The following ADAM12 variants were observed in gnomAD, a reference collection of about 807,000 sequenced individuals.
The protein encoded by ADAM12 is ADAM metallopeptidase domain 12, also known as disintegrin and metalloproteinase domain-containing protein 12.
Under a neutral mutation model 106.4 loss-of-function variants are expected in ADAM12, and 70 were observed. The ratio of observed to expected loss-of-function variants is 0.66; its 90% confidence interval spans 0.54 to 0.80. The LOEUF (loss-of-function observed/expected upper bound fraction) is 0.80. Among genes scored for constraint, ADAM12 ranks in the 30% least tolerant of loss-of-function variants. The pLI is 0.00. For synonymous variants in ADAM12, 420 were observed against 433.5 expected, an observed-to-expected ratio of 0.97 and a Z score of 0.39; for missense variants, 1,010 against 1,171.9, an observed-to-expected ratio of 0.86 and a Z score of 2.02.
At chr10:126,359,954 A>G (rs1054803198) in intron 1 of ADAM12, among the ~76,000 whole-genome samples, 3 of 152,216 alleles carry the variant, frequency 2.0e-5, no homozygotes, top group Admixed American at 6.5e-5. Flanking sequence ...ATCTAGCTGG[A>G]GGTTCCCAAA....
chr10:126,091,141 A>C (rs1955456427), intron 11 of ADAM12: 1 of 85,926 alleles, frequency 1.2e-5, no homozygotes, highest in African/African-American at 2.9e-5. Context: ...GATGAGTAGG[A>C]ATTCTGAAAA....
chr10:126,339,665 G>C (rs999626775), intron 1 of ADAM12, among the ~76,000 whole-genome samples: 1 of 152,146 alleles, frequency 6.6e-6, no homozygotes, highest in Non-Finnish European at 1.5e-5. Context: ...CCCCAAGGCA[G>C]TAGAGTGCTT....
At chr10:126,355,963 T>C (rs1446788401) in intron 1 of ADAM12, among the ~76,000 whole-genome samples, 1 of 152,172 alleles carries the variant, frequency 6.6e-6, no homozygotes, top group South Asian at 2.1e-4. Context: ...GGCCCAGCCT[T>C]AGGCTCTACT....
chr10:126,173,766 G>A (rs995662377), intron 3 of ADAM12, among the ~76,000 whole-genome samples: 8 of 151,988 alleles, frequency 5.3e-5, no homozygotes, highest in African/African-American at 1.9e-4. Flanking sequence ...CTGGGGCCCC[G>A]AGACCAGAGG....
chr10:126,017,102 GC>G lies in ADAM12; in HGVS notation c.*176del. 2 of 559,798 alleles carry G rather than the reference GC, an allele frequency of 3.6e-6. No individual in the cohort carries two copies. Among genetic ancestry groups the G allele is most frequent in the Non-Finnish European group, 6.3e-6 (2 of 315,320 alleles). The allele number at this position is 559,798 out of a possible 1,614,324, so 34.7% of individuals were successfully genotyped here. On this transcript the variant is annotated 3_prime_UTR_variant, in exon 23 of 23. Transcript: ENST00000448723. ...AAATTAATAATTTACAAGTACCTGA[GC>G]AAGTAGACAGAGCACCATAGCACAG...
intron 14 of ADAM12, among the ~76,000 whole-genome samples, chr10:126,050,662 C>T (rs767281452): frequency 2.0e-5 from 3 of 152,178 alleles, no homozygotes; most frequent in African/African-American, 2.4e-5. Flanking sequence ...TAAGATACCT[C>T]GTCCCAGGGA....
intron 3 of ADAM12, among the ~76,000 whole-genome samples, chr10:126,253,806 GC>G (rs58797517): frequency 0.012 from 1,854 of 152,324 alleles, 35 homozygotes; most frequent in African/African-American, 0.042. Flanking sequence ...TGCGGTTCTT[GC>G]CTGGCCTGAG....
intron 3 of ADAM12, among the ~76,000 whole-genome samples, chr10:126,257,633 A>G (rs1958919199): frequency 1.3e-5 from 2 of 152,234 alleles, no homozygotes; most frequent in South Asian, 4.1e-4. Flanking sequence ...CAATCGCATA[A>G]AAATTTACAT....
At chr10:126,244,379 G>A (rs11597807) in intron 3 of ADAM12, among the ~76,000 whole-genome samples, 4,486 of 152,238 alleles carry the variant, frequency 0.029, 92 homozygotes, top group Non-Finnish European at 0.048. Flanking sequence ...AGAGGAGAAG[G>A]TACAGATGGT....
Position 126,388,131 on chromosome 10 carries a change from C to G in ADAM12, c.15G>C (p.Pro5=). The part of the protein sequence containing the change: MAAR[P]LPVSPARALL... ...GGGCGCGGGCGGGGGACACGGGCAG[C>G]GGGCGCGCTGCCATCGTCGCCGGCC... is the stretch of plus-strand genomic sequence containing the variant. Residue 5 remains proline (P), a synonymous_variant, in exon 1 of 23, where the codon CCG becomes CCC. Coordinates refer to ENST00000448723, the MANE Select transcript of ADAM12 (RefSeq NM_001288973.2). This position sits in a 1 kb window ranked among gnomAD's most constrained non-coding sequence, Gnocchi z 4.4. 4 of 1,217,182 alleles carry G rather than the reference C, an allele frequency of 3.3e-6. No individual in the cohort carries two copies. Among genetic ancestry groups the G allele is most frequent in the Non-Finnish European group, 4.1e-6 (4 of 978,368 alleles). The allele number at this position is 1,217,182 out of a possible 1,614,324, so 75.4% of individuals were successfully genotyped here.
chr10:126,253,472 T>G (rs1222044471), intron 3 of ADAM12, among the ~76,000 whole-genome samples: 9 of 152,238 alleles, frequency 5.9e-5, no homozygotes, highest in Admixed American at 5.9e-4. Flanking sequence ...CTGAATGAGC[T>G]CAGCCCACAT....
At chr10:126,260,935 T>A (rs982002287) in intron 3 of ADAM12, among the ~76,000 whole-genome samples, 1 of 152,118 alleles carries the variant, frequency 6.6e-6, no homozygotes, top group African/African-American at 2.4e-5. Context: ...TTTCAACCAA[T>A]TGCAGATTGA....
intron 2 of ADAM12, among the ~76,000 whole-genome samples, chr10:126,318,341 C>T (rs1284355084): frequency 6.6e-6 from 1 of 151,950 alleles, no homozygotes; most frequent in Non-Finnish European, 1.5e-5. Context: ...CACACAAACT[C>T]ACACACATTC....
At chr10:126,247,439 T>C (rs557964506) in intron 3 of ADAM12, among the ~76,000 whole-genome samples, 7 of 152,362 alleles carry the variant, frequency 4.6e-5, no homozygotes, top group African/African-American at 1.7e-4. Flanking sequence ...TTCACTCATG[T>C]ATCACAGTAG....
chr10:126,110,734 T>A (rs1955854229), intron 6 of ADAM12, among the ~76,000 whole-genome samples: 1 of 152,192 alleles, frequency 6.6e-6, no homozygotes, highest in Admixed American at 6.6e-5. Context: ...CACTCTTCTG[T>A]GAATTACTGG....
intron 11 of ADAM12, among the ~76,000 whole-genome samples, chr10:126,091,467 T>C (rs905189872): frequency 2.0e-5 from 3 of 152,176 alleles, no homozygotes; most frequent in Admixed American, 6.5e-5. Flanking sequence ...AACACCACTC[T>C]CTGGACAGGA....
At position 126,017,194 on chromosome 10, in the gene ADAM12, C is replaced by T. The variant is rs1953675676; in HGVS notation, c.*85G>A. 1 of 1,287,970 alleles carries T rather than the reference C, an allele frequency of 7.8e-7. No homozygotes were observed. The highest frequency in any genetic ancestry group is 1.5e-5 in the African/African-American group (1 of 66,010). 79.8% of individuals were successfully genotyped at this position (1,287,970 alleles called of 1,614,324 possible). A position where few individuals can be genotyped will look rare whatever the true frequency, so the allele number is the denominator to read the frequency against. ...GATGTTTTAAACATTAAAAAAAATC[C>T]TAAAAGTTGGTACAAAAAACTCCAA... On this transcript the variant is annotated 3_prime_UTR_variant, in exon 23 of 23. Transcript: ENST00000448723.
chr10:126,308,551 G>A (rs1960945890), intron 2 of ADAM12, among the ~76,000 whole-genome samples: 1 of 152,128 alleles, frequency 6.6e-6, no homozygotes, highest in Admixed American at 6.6e-5. Flanking sequence ...ACTATTGACT[G>A]ACTTAATATT....
intron 3 of ADAM12, among the ~76,000 whole-genome samples, chr10:126,232,538 G>A (rs1241807354): frequency 6.6e-5 from 10 of 152,182 alleles, no homozygotes; most frequent in East Asian, 1.9e-4. Context: ...AAAATGACAC[G>A]TTCACCAGCA....
Sources: gnomAD v4.1 joint callset for allele counts (sites outside exome capture counted in the v4.1 genomes callset) on GRCh38, gnomAD v4.1.1 for gene constraint, Gnocchi (gnomAD v3.1) non-coding constraint, MANE v1.5 for transcripts, NCBI Gene and HGNC (gene_info 2026-07-23, HGNC 2026-07-21) for gene names.